The following RSBN1L variants were observed in gnomAD, a reference collection of about 807,000 sequenced individuals.
The protein encoded by RSBN1L is lysine-specific demethylase RSBN1L.
A neutral mutation model predicts 67.7 loss-of-function variants in RSBN1L; 30 were observed. The ratio of observed to expected loss-of-function variants is 0.44; its 90% CI spans 0.33 to 0.60. The LOEUF (loss-of-function observed/expected upper bound fraction) is 0.60. Among genes scored for constraint, RSBN1L ranks in the 20% least tolerant of loss-of-function variants. The pLI is 0.02. For missense variants in RSBN1L, 992 were observed against 1,031.7 expected (o/e 0.96, Z 0.53); for synonymous variants, 433 against 387.0 (o/e 1.12, Z -1.39).
intron 2 of RSBN1L, 94 bp from the exon 3 acceptor site, chr7:77,749,330 A>T: frequency 1.1e-6 from 1 of 925,492 alleles, no homozygotes; most frequent in Non-Finnish European, 1.6e-6. Flanking sequence ...GTAAATTTTC[A>T]GAAGTAAACT....
intron 1 of RSBN1L, among the ~76,000 whole-genome samples, chr7:77,697,671 C>T (rs939304409): frequency 2.0e-5 from 3 of 152,160 alleles, no homozygotes; most frequent in Non-Finnish European, 4.4e-5. Flanking sequence ...TTGGGTGGTC[C>T]TGTTTGAAAT....
At chr7:77,753,863 T>A (rs925397919) in intron 3 of RSBN1L, among the ~76,000 whole-genome samples, 2 of 152,208 alleles carry the variant, frequency 1.3e-5, no homozygotes, top group African/African-American at 4.8e-5. Flanking sequence ...GTTTATGTTT[T>A]TCCATATAAA....
At chr7:77,698,083 TAAC>T in intron 1 of RSBN1L, among the ~76,000 whole-genome samples, 2 of 152,392 alleles carry the variant, frequency 1.3e-5, no homozygotes, top group Middle Eastern at 3.4e-3. Context: ...ATTGCTGATC[TAAC>T]AGTAGCTCAG....
At chr7:77,752,089 TAAATA>T (rs1295833776) in intron 3 of RSBN1L, among the ~76,000 whole-genome samples, 1 of 152,258 alleles carries the variant, frequency 6.6e-6, no homozygotes, top group Non-Finnish European at 1.5e-5. Flanking sequence ...CTTTTGTTAC[TAAATA>T]AAATGAGATG....
chr7:77,725,919 A>G (rs767810483), intron 1 of RSBN1L, among the ~76,000 whole-genome samples: 2 of 151,764 alleles, frequency 1.3e-5, no homozygotes, highest in Non-Finnish European at 2.9e-5. Context: ...ACCTAAATAT[A>G]CTATATATAT....
chr7:77,723,895 C>G (rs573514234), intron 1 of RSBN1L, among the ~76,000 whole-genome samples: 2 of 152,128 alleles, frequency 1.3e-5, no homozygotes, highest in African/African-American at 4.8e-5. Context: ...GATCACGCCA[C>G]TGCACTCCAG....
chr7:77,711,387 C>T (rs1039842483), intron 1 of RSBN1L, among the ~76,000 whole-genome samples: 9 of 150,028 alleles, frequency 6.0e-5, no homozygotes, highest in Non-Finnish European at 1.3e-4. Context: ...TCACCCAGGC[C>T]GGAGTGCAGT....
intron 4 of RSBN1L, among the ~76,000 whole-genome samples, chr7:77,768,167 A>G (rs2150432558): frequency 6.6e-6 from 1 of 152,120 alleles, no homozygotes; most frequent in African/African-American, 2.4e-5. Context: ...TTGTTCTTTC[A>G]TTTTAAAATA....
At chr7:77,706,487 A>G (rs1314418288) in intron 1 of RSBN1L, among the ~76,000 whole-genome samples, 1 of 152,246 alleles carries the variant, frequency 6.6e-6, no homozygotes, top group Non-Finnish European at 1.5e-5. Context: ...CTGAGATTAC[A>G]GGTGTGAACC....
chr7:77,721,400 C>T (rs1791117930), intron 1 of RSBN1L, among the ~76,000 whole-genome samples: 1 of 151,956 alleles, frequency 6.6e-6, no homozygotes, highest in Admixed American at 6.6e-5. Flanking sequence ...TAGCAAAGAG[C>T]AAGATATGAT....
intron 1 of RSBN1L, among the ~76,000 whole-genome samples, chr7:77,726,998 G>A (rs984526770): frequency 6.6e-6 from 1 of 151,208 alleles, no homozygotes; most frequent in African/African-American, 2.4e-5. Flanking sequence ...GGCCAGGATG[G>A]TCTCAATCTC....
At chr7:77,725,127 A>C (rs1199190950) in intron 1 of RSBN1L, among the ~76,000 whole-genome samples, 1 of 147,338 alleles carries the variant, frequency 6.8e-6, no homozygotes, top group Admixed American at 6.8e-5. Context: ...TACAGGCATG[A>C]GCCACTGCGC....
Position 77,781,038 on chromosome 7 carries a change from T to C in RSBN1L, c.*1870T>C, listed in dbSNP as rs1791991693. The C allele has an allele frequency of 6.6e-6, 1 of 152,246 alleles. No individual in the cohort carries two copies. The highest frequency in any genetic ancestry group is 2.1e-4 in the South Asian group (1 of 4,828). The allele number at this position is 152,246 out of a possible 1,614,324, so 9.4% of individuals were successfully genotyped here. ...TACTGTTGGTATTTCCATTTCTGGC[T>C]TAATTTATGGTAACCATCAAAACTG... is the stretch of plus-strand genomic sequence containing the variant. On this transcript the variant is annotated 3_prime_UTR_variant, in exon 8 of 8. Transcript: ENST00000334955.
chr7:77,736,471 T>A lies in RSBN1L; in HGVS notation c.648T>A (p.His216Gln). ...DKEKEREKKK[H>Q]KVMNEIKKEN... ...AAAAAGAAAGAGAAAAAAAGAAACATAAAGTAATGAATGAGATCAAGAAAG... is the reference window on the plus strand; with the variant it reads ...AAAAAGAAAGAGAAAAAAAGAAACAAAAAGTAATGAATGAGATCAAGAAAG... The change falls in exon 2 of 8, where the codon CAT becomes CAA. Residue 216 changes from histidine to glutamine, a missense_variant. Around this residue, in one of 7 missense-constraint regions of RSBN1L, gnomAD observed 575 missense variants for 483.2 expected, o/e 1.19. Transcript: ENST00000334955. 8.2e-7 allele frequency: 1 copy of A among 1,216,670 alleles called. No individual in the cohort carries two copies. Among genetic ancestry groups the A allele is most frequent in the Non-Finnish European group, 1.1e-6 (1 of 870,850 alleles). 75.4% of individuals were successfully genotyped at this position (1,216,670 alleles called of 1,614,324 possible).
intron 1 of RSBN1L, among the ~76,000 whole-genome samples, chr7:77,726,776 A>ATT (rs35354992): frequency 0.25 from 27,570 of 112,170 alleles, 4,098 homozygotes; most frequent in Non-Finnish European, 0.3. Context: ...CACCCAGCTA[A>ATT]TTTTTTTTTT....
intron 4 of RSBN1L, among the ~76,000 whole-genome samples, chr7:77,767,779 CCCCTCCCCCTTCT>C (rs1348716419): frequency 2.8e-5 from 2 of 71,870 alleles, no homozygotes; most frequent in Admixed American, 1.4e-4. Context: ...CCTCCTCTCC[CCCCTCCCCCTTCT>C]CCCTCCCCCT....
At chr7:77,736,200 A>C (rs576327282) in intron 1 of RSBN1L, among the ~76,000 whole-genome samples, 49 of 152,278 alleles carry the variant, frequency 3.2e-4, no homozygotes, top group African/African-American at 1.1e-3. Context: ...ATGTATAATG[A>C]TACATTTTGA....
chr7:77,714,002 T>G (rs2150414221), intron 1 of RSBN1L, among the ~76,000 whole-genome samples: 1 of 152,346 alleles, frequency 6.6e-6, no homozygotes. Flanking sequence ...TATTGACTAG[T>G]CCTTCCTTTC....
intron 3 of RSBN1L, 153 bp from the exon 4 acceptor site, chr7:77,765,342 T>A: frequency 3.4e-6 from 2 of 589,968 alleles, no homozygotes; most frequent in Non-Finnish European, 5.3e-6. Flanking sequence ...AAGTTTTGTT[T>A]TGCTTGCCTC....
Sources: gnomAD v4.1 joint callset for allele counts (sites outside exome capture counted in the v4.1 genomes callset) on GRCh38, gnomAD v4.1.1 for gene constraint, gnomAD v4.1.1 regional missense constraint, MANE v1.5 for transcripts, NCBI Gene and HGNC (gene_info 2026-07-23, HGNC 2026-07-21) for gene names.